The following AMD1 variants were observed in gnomAD, a reference collection of about 807,000 sequenced individuals.
AMD1 encodes the protein S-adenosylmethionine decarboxylase proenzyme.
Under a neutral mutation model 40.2 loss-of-function variants are expected in AMD1, and 11 were observed. That is an observed-to-expected ratio of 0.27 (90% CI 0.17 to 0.45). The LOEUF is 0.45. Among genes scored for constraint, AMD1 ranks in the 20% least tolerant of loss-of-function variants. The pLI is 1.00. For missense variants in AMD1, 257 were observed against 410.2 expected, an observed-to-expected ratio of 0.63 and a Z score of 3.23; for synonymous variants, 121 against 130.8, an observed-to-expected ratio of 0.93 and a Z score of 0.51.
the AMD1 span, among the ~76,000 whole-genome samples, chr6:110,846,967 A>G: frequency 6.6e-6 from 1 of 152,096 alleles, no homozygotes; most frequent in Non-Finnish European, 1.5e-5. Context: ...GCAATGCACC[A>G]AGCAAATTAT....
intron 1 of AMD1, among the ~76,000 whole-genome samples, chr6:110,879,842 G>A (rs1785308776): frequency 6.6e-6 from 1 of 152,190 alleles, no homozygotes; most frequent in Non-Finnish European, 1.5e-5. Context: ...ATAAAAATTT[G>A]CAGGCATCAT....
chr6:110,858,658 G>C, the AMD1 span: 5 of 1,176,324 alleles, frequency 4.3e-6, no homozygotes, highest in African/African-American at 7.5e-5. Flanking sequence ...AGAGCGGGGT[G>C]GACATCGGCC....
chr6:110,844,783 GA>G, the AMD1 span, among the ~76,000 whole-genome samples: 16 of 141,354 alleles, frequency 1.1e-4, no homozygotes, highest in South Asian at 2.6e-3. Context: ...CTGCATTTCA[GA>G]AAAAAAAAAG....
the AMD1 span, chr6:110,858,799 G>T: frequency 1.3e-6 from 1 of 768,586 alleles, no homozygotes; most frequent in Non-Finnish European, 2.4e-6. Context: ...ACAGCACAAG[G>T]AGGCATCTCT....
the AMD1 span, among the ~76,000 whole-genome samples, chr6:110,848,295 G>C: frequency 6.6e-6 from 1 of 151,508 alleles, no homozygotes; most frequent in Non-Finnish European, 1.5e-5. Context: ...GCTGAGGCAG[G>C]CGAGTCACTT....
At chr6:110,818,590 G>C in the AMD1 span, among the ~76,000 whole-genome samples, 6 of 152,016 alleles carry the variant, frequency 3.9e-5, no homozygotes, top group Non-Finnish European at 7.4e-5. Context: ...ACCCAGGCTG[G>C]AATGCTGTGG....
chr6:110,877,905 C>T (rs1470469375), intron 1 of AMD1, among the ~76,000 whole-genome samples: 1 of 151,840 alleles, frequency 6.6e-6, no homozygotes, highest in Non-Finnish European at 1.5e-5. Context: ...GACATAAAAA[C>T]GATTAAGAGA....
chr6:110,866,854 C>A, the AMD1 span, among the ~76,000 whole-genome samples: 2 of 151,562 alleles, frequency 1.3e-5, no homozygotes, highest in African/African-American at 4.8e-5. Flanking sequence ...ACTCTTGTTG[C>A]CCAGGCTGGA....
the AMD1 span, among the ~76,000 whole-genome samples, chr6:110,835,374 A>T: frequency 5.1e-4 from 77 of 152,256 alleles, no homozygotes; most frequent in Middle Eastern, 6.8e-3. Context: ...TGTTTCCCAA[A>T]AGTTAGTTAT....
intron 1 of AMD1, among the ~76,000 whole-genome samples, chr6:110,879,665 C>A (rs1451731543): frequency 2.0e-5 from 3 of 152,094 alleles, no homozygotes; most frequent in Non-Finnish European, 2.9e-5. Context: ...GGTAGAGGCA[C>A]CCTGATGAAT....
At chr6:110,819,663 A>G in the AMD1 span, among the ~76,000 whole-genome samples, 2 of 152,218 alleles carry the variant, frequency 1.3e-5, no homozygotes, top group African/African-American at 4.8e-5. Flanking sequence ...AATAACTGTC[A>G]GGCATTTGAA....
the AMD1 span, chr6:110,856,626 C>T: frequency 2.0e-5 from 3 of 152,180 alleles, no homozygotes; most frequent in African/African-American, 7.2e-5. Context: ...CTGCCAAGGA[C>T]TCTGTGGCAG....
the AMD1 span, chr6:110,848,547 G>T: frequency 2.8e-6 from 1 of 355,516 alleles, no homozygotes; most frequent in Non-Finnish European, 4.9e-6. Context: ...CAACAAAACT[G>T]CACTTATGTA....
At chr6:110,892,526 C>A in intron 6 of AMD1, 83 bp downstream of exon 6, 1 of 1,577,898 alleles carries the variant, frequency 6.3e-7, no homozygotes, top group South Asian at 1.1e-5. Flanking sequence ...CTTTTAAGTT[C>A]AGGGTAACAA....
the AMD1 span, among the ~76,000 whole-genome samples, chr6:110,848,099 C>T: frequency 1.1e-4 from 17 of 152,032 alleles, no homozygotes; most frequent in Non-Finnish European, 2.1e-4. Context: ...GTAACCATTA[C>T]ATCATGGGAT....
At chr6:110,818,752 G>C in the AMD1 span, among the ~76,000 whole-genome samples, 2 of 152,170 alleles carry the variant, frequency 1.3e-5, no homozygotes, top group Admixed American at 6.5e-5. Context: ...TGGCCAGGCT[G>C]GTCTTGAACT....
chr6:110,892,730 C>CA lies in AMD1; in HGVS notation c.616-5_616-4insA, dbSNP rs769575269. 27 of 1,611,906 alleles carry CA rather than the reference C, an allele frequency of 1.7e-5. No individual in the cohort carries two copies. The highest frequency in any genetic ancestry group is 1.2e-4 in the African/African-American group (9 of 74,750). On this transcript the variant is annotated splice_region_variant and splice_polypyrimidine_tract_variant and intron_variant, in intron 6 of 8. Transcript: ENST00000368885. ...TTGTTAAACTCGGTCTTTTTCCCCC[C>CA]CCAGGAGAGTGGAATTCGTGACCTG...
At chr6:110,817,061 C>T in the AMD1 span, among the ~76,000 whole-genome samples, 1 of 152,182 alleles carries the variant, frequency 6.6e-6, no homozygotes, top group Admixed American at 6.6e-5. Context: ...AAGAGGGTTT[C>T]CTCCCCTGTA....
At chr6:110,842,290 G>A in the AMD1 span, among the ~76,000 whole-genome samples, 1 of 152,200 alleles carries the variant, frequency 6.6e-6, no homozygotes, top group Non-Finnish European at 1.5e-5. Flanking sequence ...GATAAAGATG[G>A]TATATCCCTC....
Sources: gnomAD v4.1 joint callset for allele counts (sites outside exome capture counted in the v4.1 genomes callset) on GRCh38, gnomAD v4.1.1 for gene constraint, MANE v1.5 for transcripts, NCBI Gene and HGNC (gene_info 2026-07-23, HGNC 2026-07-21) for gene names.